Variants in DDX60L observed in about 807,000 individuals in gnomAD.
DDX60L encodes probable ATP-dependent RNA helicase DDX60-like.
Under a neutral mutation model 211.6 loss-of-function variants are expected in DDX60L, and 191 were observed. That is an observed-to-expected ratio of 0.90 (90% confidence interval 0.80 to 1.02). The LOEUF (loss-of-function observed/expected upper bound fraction) is 1.02. Ranked by LOEUF, DDX60L falls within the 50% of genes least tolerant of loss-of-function variation. The pLI, the probability that DDX60L is intolerant of heterozygous loss-of-function variation, is 0.00. For missense variants in DDX60L, 2,007 were observed against 1,984.1 expected (o/e 1.01, Z -0.22); for synonymous variants, 706 against 694.1 (o/e 1.02, Z -0.27).
At chr4:168,446,265 G>C (rs527859775) in intron 9 of DDX60L, among the ~76,000 whole-genome samples, 1 of 152,240 alleles carries the variant, frequency 6.6e-6, no homozygotes, top group South Asian at 2.1e-4. Flanking sequence ...AATCATGAGT[G>C]AACTCCCATT....
intron 17 of DDX60L, 94 bp downstream of exon 17, chr4:168,421,666 A>G: frequency 6.7e-7 from 1 of 1,494,622 alleles, no homozygotes; most frequent in Non-Finnish European, 9.1e-7. Flanking sequence ...AAAATAAAAT[A>G]ACAGTGAATT....
chr4:168,421,889 T>C lies in DDX60L; in HGVS notation c.2265A>G (p.Val755=), dbSNP rs957781145. 3 of 1,614,066 alleles carry C rather than the reference T, an allele frequency of 1.9e-6. No individual in the cohort carries two copies. Among genetic ancestry groups the C allele is most frequent in the African/African-American group, 2.7e-5 (2 of 74,922 alleles). Residue 755 remains valine (V), a synonymous_variant, in exon 17 of 38, where the codon GTA becomes GTG. Transcript: ENST00000682922. ...NAWQQELLDV[V]DKNESAVIVA... ...CAATCACTGCTGACTCATTCTTATCTACCACATCCAGGAGTTCCTGCTGCA... is the reference window on the plus strand; with the variant it reads ...CAATCACTGCTGACTCATTCTTATCCACCACATCCAGGAGTTCCTGCTGCA...
rs767461447 is a variant in DDX60L at position 168,454,758 on chromosome 4, C to CTTTTTTTTTTT, written c.837+1270_837+1280dup. 2.8e-4 allele frequency among the ~76,000 whole-genome samples: 25 copies of CTTTTTTTTTTT among 88,624 alleles called. 4 individuals carry two copies. Among genetic ancestry groups the CTTTTTTTTTTT allele is most frequent in the African/African-American group, 7.7e-4 (16 of 20,676 alleles). 58.1% of individuals were successfully genotyped at this position (88,624 alleles called of 152,430 possible). A position where few individuals can be genotyped will look rare whatever the true frequency, so the allele number is the denominator to read the frequency against. On this transcript the variant is annotated intron_variant, in intron 7 of 37. Transcript: ENST00000682922. ...GTGCTCCCGAAGAGTAAACAGCTTC[C>CTTTTTTTTTTT]TTTTTTTTTTTTTTTTTTTTTAGCA...
chr4:168,448,745 A>C lies in DDX60L; in HGVS notation c.1031T>G (p.Leu344Ter), dbSNP rs781025221. ...KWCEYFILSN[L>*]NVFGCWNLNL... ...CAGATTCCAGCATCCAAAAACGTTT[A>C]AGTTGCTTAAAATGAAATATTCACA... Residue 344 changes from leucine (L) to a stop codon, truncating the protein, a stop_gained, in exon 9 of 38, where the codon TTA becomes TGA. Transcript: ENST00000682922. LOFTEE classifies it high-confidence loss of function. 6.2e-7 allele frequency: 1 copy of C among 1,606,536 alleles called. No homozygotes were observed. The highest frequency in any genetic ancestry group is 8.5e-7 in the Non-Finnish European group (1 of 1,174,696).
intron 37 of DDX60L, among the ~76,000 whole-genome samples, chr4:168,359,414 T>G (rs115716209): frequency 5.3e-5 from 8 of 152,340 alleles, no homozygotes; most frequent in Non-Finnish European, 1.2e-4. Context: ...ATTAACACTA[T>G]CATTAACCAA....
intron 13 of DDX60L, among the ~76,000 whole-genome samples, chr4:168,429,201 G>A (rs1751947405): frequency 2.0e-5 from 3 of 152,016 alleles, no homozygotes; most frequent in Admixed American, 2.0e-4. Flanking sequence ...CTGGAGTGCA[G>A]TGACACGATC....
In DDX60L at chr4:168,455,657, A is replaced by T. The variant is rs141459170; in HGVS notation, c.837+382T>A. On this transcript the variant is annotated intron_variant, in intron 7 of 37. Transcript: ENST00000682922. ...TGTCAGGTAACACAAAGACCCTGAA[A>T]CACAGCGTATAGTGGGGCCCCTCCT... 3.7e-3 allele frequency among the ~76,000 whole-genome samples: 561 copies of T among 152,262 alleles called. 6 individuals are homozygous for T. Among genetic ancestry groups the T allele is most frequent in the African/African-American group, 0.013 (520 of 41,560 alleles).
At chr4:168,471,689 A>G in intron 4 of DDX60L, 58 bp downstream of exon 4, 2 of 1,371,972 alleles carry the variant, frequency 1.5e-6, no homozygotes, top group Non-Finnish European at 2.0e-6. Flanking sequence ...TCTTTAGGTT[A>G]AGACATTTCA....
intron 1 of DDX60L, among the ~76,000 whole-genome samples, chr4:168,476,289 C>CA (rs908713248): frequency 5.9e-5 from 9 of 151,548 alleles, no homozygotes; most frequent in African/African-American, 2.2e-4. Context: ...TAACCCAGTT[C>CA]AAAAAAATAA....
chr4:168,467,276 C>T (rs1325864835), intron 4 of DDX60L, among the ~76,000 whole-genome samples: 1 of 151,818 alleles, frequency 6.6e-6, no homozygotes, highest in South Asian at 2.1e-4. Context: ...AACCATGCTG[C>T]CACACGCCTG....
At position 168,406,605 on chromosome 4, in the gene DDX60L, A is replaced by G. The variant is rs750545520; in HGVS notation, c.3081T>C (p.Ala1027=). Residue 1027 remains alanine, a synonymous_variant, in exon 23 of 38, where the codon GCT becomes GCC. Coordinates refer to ENST00000682922, the MANE Select transcript of DDX60L (RefSeq NM_001012967.3). The stretch of plus-strand genomic sequence containing the variant: ...GAATATATATTTCTATATTTACCTG[A>G]GCCCTGGGCCAAGTTTCCCAGACTT... ...MAQVWETWPR[A]QELCPEEFIL... 11 of 1,586,722 alleles carry G rather than the reference A, an allele frequency of 6.9e-6. No homozygotes were observed. Among genetic ancestry groups the G allele is most frequent in the East Asian group, 2.3e-5 (1 of 44,074 alleles).
At chr4:168,412,060 G>A (rs574115619) in intron 22 of DDX60L, among the ~76,000 whole-genome samples, 2 of 152,090 alleles carry the variant, frequency 1.3e-5, no homozygotes, top group South Asian at 4.2e-4. Context: ...GAGCACTTGG[G>A]CCCTGAATAA....
intron 29 of DDX60L, among the ~76,000 whole-genome samples, chr4:168,388,119 A>C (rs1447871713): frequency 1.3e-5 from 2 of 152,258 alleles, no homozygotes; most frequent in Non-Finnish European, 2.9e-5. Flanking sequence ...GCTATTTGAG[A>C]TACAAATTCC....
intron 23 of DDX60L, 38 bp downstream of exon 23, chr4:168,406,564 T>C: frequency 6.8e-7 from 1 of 1,468,840 alleles, no homozygotes; most frequent in Non-Finnish European, 9.3e-7. Flanking sequence ...TAGCATTAAC[T>C]AAAGTTCATT....
intron 7 of DDX60L, among the ~76,000 whole-genome samples, chr4:168,455,402 G>A (rs1756413804): frequency 6.6e-6 from 1 of 151,648 alleles, no homozygotes; most frequent in Non-Finnish European, 1.5e-5. Flanking sequence ...AAAAATTCAG[G>A]ATCTCTATAG....
intron 37 of DDX60L, among the ~76,000 whole-genome samples, chr4:168,360,658 CTTGG>C (rs919161175): frequency 3.3e-5 from 5 of 152,190 alleles, no homozygotes; most frequent in African/African-American, 1.2e-4. Flanking sequence ...TTCATATTTG[CTTGG>C]GTCTCTGTTG....
chr4:168,460,328 G>T (rs562765592), intron 5 of DDX60L, among the ~76,000 whole-genome samples: 10 of 152,234 alleles, frequency 6.6e-5, no homozygotes, highest in Non-Finnish European at 1.5e-4. Context: ...CAGACTTCAT[G>T]AGTTTATGTT....
intron 15 of DDX60L, among the ~76,000 whole-genome samples, chr4:168,423,000 T>TGTGTGTGTGTGTGTG (rs375472116): frequency 1.3e-4 from 14 of 108,160 alleles, no homozygotes; most frequent in African/African-American, 3.8e-4. Flanking sequence ...TGTGTGTGTG[T>TGTGTGTGTGTGTGTG]TGTAGAGACA....
chr4:168,388,231 T>C (rs1012053318), intron 29 of DDX60L, among the ~76,000 whole-genome samples: 1 of 152,088 alleles, frequency 6.6e-6, no homozygotes, highest in African/African-American at 2.4e-5. Context: ...AAAGAAAACA[T>C]ATAAGGACAG....
Sources: gnomAD v4.1 joint callset for allele counts (sites outside exome capture counted in the v4.1 genomes callset) on GRCh38, gnomAD v4.1.1 for gene constraint, MANE v1.5 for transcripts, NCBI Gene and HGNC (gene_info 2026-07-23, HGNC 2026-07-21) for gene names.